Variants in USP54 observed in about 807,000 individuals in gnomAD.
USP54 encodes ubiquitin specific peptidase 54, also known as ubiquitin carboxyl-terminal hydrolase 54.
Under a neutral mutation model 170.5 loss-of-function variants are expected in USP54, and 87 were observed. The observed-to-expected ratio is 0.51, with a 90% confidence interval of 0.43 to 0.61. The LOEUF is 0.61. Among genes scored for constraint, USP54 ranks in the 20% least tolerant of loss-of-function variants. USP54 has a pLI of 0.00. For synonymous variants in USP54, 655 were observed against 742.8 expected (o/e 0.88, Z 1.92); for missense variants, 1,786 against 2,047.8 (o/e 0.87, Z 2.47).
At chr10:73,583,012 C>T (rs1458150924) in intron 1 of USP54, among the ~76,000 whole-genome samples, 1 of 152,110 alleles carries the variant, frequency 6.6e-6, no homozygotes, top group African/African-American at 2.4e-5. Context: ...GTATTCTTGC[C>T]TAAACCATAA....
Position 73,624,565 on chromosome 10 carries a change from A to T in USP54, c.-18+1002T>A, listed in dbSNP as rs1253231492. On this transcript the variant is annotated intron_variant, in intron 1 of 22. Coordinates refer to the USP54 transcript ENST00000339859. The stretch of plus-strand genomic sequence containing the variant: ...AACCTCAACATAAAAAAATCCAGTT[A>T]TATAATCACAAGAGAGTTATCCCTT... The T allele has an allele frequency of 3.3e-5, 5 of 152,244 alleles. No individual in the cohort carries two copies. The East Asian group carries it at 9.7e-4, about 29-fold the overall frequency. 9.4% of individuals were successfully genotyped at this position (152,244 alleles called of 1,614,324 possible).
Position 73,541,423 on chromosome 10 carries a change from T to G in USP54, c.777A>C (p.Leu259Phe). Residue 259 changes from leucine to phenylalanine, a missense_variant, in exon 9 of 24, where the codon TTA (leucine) becomes TTC (phenylalanine). Leu to Phe is a conservative substitution (Grantham distance 22). Around this residue, in one of 3 missense-constraint regions of USP54, gnomAD observed 361 missense variants for 455.0 expected, o/e 0.79. Coordinates refer to ENST00000687698, the MANE Select transcript of USP54 (RefSeq NM_001391956.1). ...CCAGGCTGTGGATAACATCTTCTGC[T>G]AAGTCTGAGTGGTCTGAGTCCCATA... ...GLVWDSDHSD[L>F]AEDVIHSLGT... is the part of the protein sequence containing the mutation. 3 of 1,614,214 alleles carry G rather than the reference T, an allele frequency of 1.9e-6. No homozygotes were observed. Among genetic ancestry groups the G allele is most frequent in the Non-Finnish European group, 2.5e-6 (3 of 1,180,044 alleles).
chr10:73,558,767 C>G (rs1187684633), intron 4 of USP54, among the ~76,000 whole-genome samples: 2 of 152,190 alleles, frequency 1.3e-5, no homozygotes, highest in African/African-American at 2.4e-5. Flanking sequence ...GTTAGGGGAA[C>G]TGACCCCATA....
intron 4 of USP54, 83 bp from the exon 5 acceptor site, chr10:73,545,755 T>C: frequency 6.7e-7 from 1 of 1,481,504 alleles, no homozygotes; most frequent in Non-Finnish European, 9.2e-7. Flanking sequence ...TGCTAGCATC[T>C]CCATGATGAT....
upstream of USP54, among the ~76,000 whole-genome samples, chr10:73,592,290 G>A (rs2078324276): frequency 6.6e-6 from 1 of 151,954 alleles, no homozygotes; most frequent in South Asian, 2.1e-4. Context: ...CAAATATGAA[G>A]GTCTGTTGTG....
intron 20 of USP54, among the ~76,000 whole-genome samples, chr10:73,509,618 A>T (rs78310890): frequency 1.5e-5 from 2 of 129,578 alleles, no homozygotes; most frequent in African/African-American, 3.6e-5. Context: ...CCGTCTCATT[A>T]AAAAAAAAAA....
At chr10:73,500,893 A>G in intron 22 of USP54, 55 bp from the exon 23 acceptor site, 1 of 1,546,048 alleles carries the variant, frequency 6.5e-7, no homozygotes, top group Non-Finnish European at 8.7e-7. Flanking sequence ...ACAAAGCAGG[A>G]TGTAGTTGGG....
intron 1 of USP54, among the ~76,000 whole-genome samples, chr10:73,588,643 T>C (rs2077823658): frequency 6.6e-6 from 1 of 152,220 alleles, no homozygotes; most frequent in Non-Finnish European, 1.5e-5. Flanking sequence ...AAAAGCAAAC[T>C]GATGAATCAC....
chr10:73,620,731 A>G (rs2081024942), intron 1 of USP54, among the ~76,000 whole-genome samples: 1 of 150,436 alleles, frequency 6.6e-6, no homozygotes, highest in Non-Finnish European at 1.5e-5. Flanking sequence ...TGAGGTCAGG[A>G]CTTCAAGACC....
chr10:73,610,478 C>T (rs535669894), intron 1 of USP54, among the ~76,000 whole-genome samples: 1 of 151,938 alleles, frequency 6.6e-6, no homozygotes, highest in South Asian at 2.1e-4. Flanking sequence ...AAAAATTAGC[C>T]GGACATGGTG....
At chr10:73,600,562 A>G (rs1223257187) in intron 1 of USP54, among the ~76,000 whole-genome samples, 1 of 152,232 alleles carries the variant, frequency 6.6e-6, no homozygotes, top group Non-Finnish European at 1.5e-5. Flanking sequence ...ATTCAAAATA[A>G]TAAACAATTG....
intron 1 of USP54, among the ~76,000 whole-genome samples, chr10:73,588,377 C>A (rs971573909): frequency 1.3e-5 from 2 of 152,118 alleles, no homozygotes; most frequent in African/African-American, 2.4e-5. Flanking sequence ...GTGTGTGCCA[C>A]CACGCCCAGC....
At chr10:73,574,841 G>C (rs1314384823) in intron 3 of USP54, among the ~76,000 whole-genome samples, 1 of 144,510 alleles carries the variant, frequency 6.9e-6, no homozygotes, top group African/African-American at 2.6e-5. Context: ...CTGGGCAATA[G>C]AGTGAGACTG....
intron 1 of USP54, among the ~76,000 whole-genome samples, chr10:73,586,115 C>T (rs1345634264): frequency 3.9e-5 from 6 of 152,216 alleles, no homozygotes; most frequent in Non-Finnish European, 7.3e-5. Flanking sequence ...CCAGCTTCAT[C>T]TACTCATTCA....
Position 73,530,136 on chromosome 10 carries a change from T to A in USP54, c.1828+7A>T. ...AAAGCCCAATTCTTCCCTAATTATC[T>A]CCTCACCTGAATCCTCAGAAAAGGG... is the stretch of plus-strand genomic sequence containing the variant. On this transcript the variant is annotated splice_region_variant and intron_variant, in intron 14 of 23. Transcript: ENST00000687698. 6.3e-7 allele frequency: 1 copy of A among 1,593,994 alleles called. No individual in the cohort carries two copies. Among genetic ancestry groups the A allele is most frequent in the Non-Finnish European group, 8.5e-7 (1 of 1,171,918 alleles).
chr10:73,564,329 G>T (rs192604811), intron 4 of USP54, among the ~76,000 whole-genome samples: 1 of 152,154 alleles, frequency 6.6e-6, no homozygotes, highest in Non-Finnish European at 1.5e-5. Flanking sequence ...CTTTTGGTAC[G>T]GTATGAAATA....
At chr10:73,530,967 G>A in intron 12 of USP54, 132 bp from the exon 13 acceptor site, 3 of 1,276,826 alleles carry the variant, frequency 2.3e-6, no homozygotes, top group Non-Finnish European at 3.2e-6. Flanking sequence ...TAGGGCATAG[G>A]CTATCTGATT....
At chr10:73,602,618 G>C (rs2079268036) in intron 1 of USP54, among the ~76,000 whole-genome samples, 1 of 151,392 alleles carries the variant, frequency 6.6e-6, no homozygotes, top group Admixed American at 6.6e-5. Flanking sequence ...CAGAACTTTG[G>C]GAGGCCAAGG....
chr10:73,567,719 C>G (rs912260210), intron 4 of USP54, among the ~76,000 whole-genome samples: 10 of 152,090 alleles, frequency 6.6e-5, no homozygotes. Context: ...GATGCAACAA[C>G]CCACTATACT....
Sources: gnomAD v4.1 joint callset for allele counts (sites outside exome capture counted in the v4.1 genomes callset) on GRCh38, gnomAD v4.1.1 for gene constraint, gnomAD v4.1.1 regional missense constraint, MANE v1.5 for transcripts, NCBI Gene and HGNC (gene_info 2026-07-23, HGNC 2026-07-21) for gene names.